LRMDA: variants seen among roughly 807,000 people sequenced by gnomAD.
LRMDA encodes the protein leucine-rich melanocyte differentiation-associated protein.
LRMDA carries 18 observed loss-of-function variants against 29.8 expected under a neutral mutation model. The observed-to-expected ratio is 0.60, with a 90% CI of 0.42 to 0.90. The LOEUF (loss-of-function observed/expected upper bound fraction) is 0.90, where lower values mean the gene tolerates loss of function less well. Among genes scored for constraint, LRMDA ranks in the 40% least tolerant of loss-of-function variants. The probability of loss-of-function intolerance (pLI) is 0.00; values close to 1 mark genes in which losing one functional copy is unlikely to be tolerated. For synonymous variants in LRMDA, 125 were observed against 109.4 expected, an observed-to-expected ratio of 1.14 and a Z score of -0.89; for missense variants, 273 against 273.9, an observed-to-expected ratio of 1.00 and a Z score of 0.02.
At chr10:76,067,226 G>A (rs1334398463) in intron 5 of LRMDA, among the ~76,000 whole-genome samples, 1 of 152,180 alleles carries the variant, frequency 6.6e-6, no homozygotes, top group South Asian at 2.1e-4. Flanking sequence ...AGTATTCACT[G>A]TCTCGTTTTA....
intron 2 of LRMDA, among the ~76,000 whole-genome samples, chr10:75,493,614 T>A (rs1220659583): frequency 6.6e-6 from 1 of 152,078 alleles, no homozygotes; most frequent in Non-Finnish European, 1.5e-5. Flanking sequence ...TTAAGTCACA[T>A]CCTTAAAATT....
intron 5 of LRMDA, among the ~76,000 whole-genome samples, chr10:76,196,948 TCTGA>T (rs1342027994): frequency 1.3e-5 from 2 of 152,218 alleles, no homozygotes; most frequent in Non-Finnish European, 2.9e-5. Context: ...TATGGGCAAC[TCTGA>T]CTGTAAAATG....
chr10:75,712,602 CACAG>C (rs1226441122), intron 2 of LRMDA, among the ~76,000 whole-genome samples: 7 of 152,286 alleles, frequency 4.6e-5, no homozygotes, highest in Middle Eastern at 3.4e-3. Context: ...GGGAATTTAA[CACAG>C]ACAAACAGAA....
chr10:75,737,823 C>T (rs777399565), intron 2 of LRMDA, among the ~76,000 whole-genome samples: 2 of 152,130 alleles, frequency 1.3e-5, no homozygotes, highest in African/African-American at 2.4e-5. Context: ...TTAAGAAAAC[C>T]TATAGTTATC....
intron 3 of LRMDA, among the ~76,000 whole-genome samples, chr10:76,040,132 C>G (rs1055910425): frequency 6.6e-6 from 1 of 152,098 alleles, no homozygotes; most frequent in Non-Finnish European, 1.5e-5. Flanking sequence ...TATGCTGATT[C>G]CCAGCTCCAG....
chr10:75,673,706 T>A (rs1841927945), intron 2 of LRMDA, among the ~76,000 whole-genome samples: 1 of 152,222 alleles, frequency 6.6e-6, no homozygotes, highest in South Asian at 2.1e-4. Context: ...ATTTTTTCTC[T>A]GCACTCTGAC....
chr10:75,731,615 C>T (rs1333963368), intron 2 of LRMDA, among the ~76,000 whole-genome samples: 1 of 152,180 alleles, frequency 6.6e-6, no homozygotes, highest in Non-Finnish European at 1.5e-5. Flanking sequence ...GAAGTCATTC[C>T]CATCTCTGGA....
chr10:75,842,034 A>G (rs1274990634), intron 2 of LRMDA, among the ~76,000 whole-genome samples: 2 of 152,218 alleles, frequency 1.3e-5, no homozygotes, highest in African/African-American at 2.4e-5. Flanking sequence ...GTCTTTCTCC[A>G]TGCCAGGCAT....
At chr10:75,597,834 A>T (rs1564518806) in intron 2 of LRMDA, among the ~76,000 whole-genome samples, 1 of 152,064 alleles carries the variant, frequency 6.6e-6, no homozygotes, top group Non-Finnish European at 1.5e-5. Flanking sequence ...GGGCGCTTTT[A>T]TGTTGTTGTT....
At chr10:76,472,551 G>A (rs1281372844) in intron 6 of LRMDA, among the ~76,000 whole-genome samples, 1 of 151,466 alleles carries the variant, frequency 6.6e-6, no homozygotes, top group Non-Finnish European at 1.5e-5. Context: ...ACCATAAAGA[G>A]CAGAAGTTAA....
intron 5 of LRMDA, among the ~76,000 whole-genome samples, chr10:76,219,090 GC>G (rs1224807619): frequency 1.3e-5 from 2 of 152,266 alleles, no homozygotes; most frequent in East Asian, 1.9e-4. Context: ...CACCAGGCCT[GC>G]CCTAAAAGAA....
At chr10:75,440,733 C>G (rs1346971566) in intron 2 of LRMDA, among the ~76,000 whole-genome samples, 1 of 152,078 alleles carries the variant, frequency 6.6e-6, no homozygotes, top group Non-Finnish European at 1.5e-5. Context: ...GCTAATTCCT[C>G]TTAAAAAAAG....
At chr10:76,017,300 A>G (rs1297454210) in intron 2 of LRMDA, among the ~76,000 whole-genome samples, 2 of 152,230 alleles carry the variant, frequency 1.3e-5, no homozygotes, top group Non-Finnish European at 2.9e-5. Context: ...GGCTGGAGGT[A>G]GGCTGCATGC....
At chr10:76,099,426 T>C (rs191533524) in intron 5 of LRMDA, among the ~76,000 whole-genome samples, 4 of 152,242 alleles carry the variant, frequency 2.6e-5, no homozygotes, top group East Asian at 3.9e-4. Context: ...CTCTGCTTTG[T>C]CTGTCTTAAT....
chr10:76,556,994 T>C (rs1843566017), intron 6 of LRMDA, among the ~76,000 whole-genome samples: 1 of 152,226 alleles, frequency 6.6e-6, no homozygotes. Context: ...GAGCCTATAC[T>C]TGTAGTGACA....
chr10:76,044,439 GTTTTTT>G (rs3042545), intron 3 of LRMDA, among the ~76,000 whole-genome samples: 5 of 137,020 alleles, frequency 3.6e-5, no homozygotes, highest in Non-Finnish European at 7.9e-5. Context: ...TTTTTTCTTT[GTTTTTT>G]TTTTTTTTTT....
chr10:76,225,802 G>A (rs1247155735), intron 5 of LRMDA, among the ~76,000 whole-genome samples: 3 of 150,956 alleles, frequency 2.0e-5, no homozygotes, highest in African/African-American at 7.3e-5. Flanking sequence ...ATGTATACAT[G>A]TGCCATGTTG....
At chr10:75,925,557 G>T (rs532605028) in intron 2 of LRMDA, among the ~76,000 whole-genome samples, 3 of 152,176 alleles carry the variant, frequency 2.0e-5, no homozygotes, top group Non-Finnish European at 4.4e-5. Context: ...AGTTTGGAGG[G>T]GGGGAGCTTC....
chr10:75,580,710 C>T (rs893451048), intron 2 of LRMDA, among the ~76,000 whole-genome samples: 20 of 152,082 alleles, frequency 1.3e-4, no homozygotes, highest in African/African-American at 4.8e-4. Context: ...GGTACTGGTA[C>T]CAAAACAGAG....
Sources: allele counts gnomAD v4.1 joint callset (sites outside exome capture counted in the v4.1 genomes callset), GRCh38; gene constraint gnomAD v4.1.1; transcripts MANE v1.5; gene names NCBI Gene and HGNC (gene_info 2026-07-23, HGNC 2026-07-21).